C2CD3: variants seen among roughly 807,000 people sequenced by gnomAD.
The protein encoded by C2CD3 is C2 domain containing 3 centriole elongation regulator.
Under a neutral mutation model 234.0 loss-of-function variants are expected in C2CD3, and 148 were observed. The ratio of observed to expected loss-of-function variants is 0.63; its 90% CI spans 0.55 to 0.72. The LOEUF (loss-of-function observed/expected upper bound fraction) is 0.72, where lower values mean the gene tolerates loss of function less well. C2CD3 is among the 30% of genes least tolerant of loss of function. The pLI is 0.00. For missense variants in C2CD3, 2,577 were observed against 2,811.5 expected (o/e 0.92, Z 1.89); for synonymous variants, 1,000 against 1,035.4 (o/e 0.97, Z 0.66).
At chr11:74,052,653 G>A (rs1483305889) in intron 26 of C2CD3, among the ~76,000 whole-genome samples, 2 of 152,226 alleles carry the variant, frequency 1.3e-5, no homozygotes, top group Non-Finnish European at 2.9e-5. Flanking sequence ...TGTTGATTCA[G>A]AGAAAAGCGA....
At chr11:74,138,636 T>C in intron 5 of C2CD3, 84 bp downstream of exon 5, 1 of 1,086,098 alleles carries the variant, frequency 9.2e-7, no homozygotes, top group African/African-American at 1.6e-5. Context: ...ACAAGAGTCT[T>C]GGTTCTCTTT....
At chr11:74,115,102 T>A (rs942579220) in intron 9 of C2CD3, among the ~76,000 whole-genome samples, 3 of 151,426 alleles carry the variant, frequency 2.0e-5, no homozygotes, top group Non-Finnish European at 1.5e-5. Flanking sequence ...AAAAAAAAAA[T>A]ATAATCTAAA....
chr11:74,139,831 A>C lies in C2CD3; in HGVS notation c.484-3T>G. 6.3e-7 allele frequency: 1 copy of C among 1,576,734 alleles called. No homozygotes were observed. Among genetic ancestry groups the C allele is most frequent in the African/African-American group, 1.3e-5 (1 of 74,246 alleles). ...AGAGGTTCCAGGGCAAGTGAGACCT[A>C]AGAGAGACAGGTAGTATATGAGAAA... is the stretch of plus-strand genomic sequence containing the variant. On this transcript the variant is annotated splice_polypyrimidine_tract_variant and splice_region_variant and intron_variant, in intron 3 of 32. Transcript: ENST00000334126.
chr11:74,149,676 G>T (rs1855466059), intron 3 of C2CD3, among the ~76,000 whole-genome samples: 1 of 151,276 alleles, frequency 6.6e-6, no homozygotes, highest in Non-Finnish European at 1.5e-5. Flanking sequence ...TATGCCTTGT[G>T]TACAGCTGCT....
At chr11:74,052,403 G>A (rs1040636729) in intron 26 of C2CD3, among the ~76,000 whole-genome samples, 1 of 152,164 alleles carries the variant, frequency 6.6e-6, no homozygotes, top group African/African-American at 2.4e-5. Context: ...AAATAAGAAA[G>A]ATAACAGGAA....
At chr11:74,091,160 G>A (rs1955879557) in intron 19 of C2CD3, 2 of 421,070 alleles carry the variant, frequency 4.7e-6, no homozygotes, top group Non-Finnish European at 8.4e-6. Context: ...ATGGTTCAGA[G>A]ATTTAATTCC....
chr11:74,148,368 G>GT (rs1855354766), intron 3 of C2CD3, among the ~76,000 whole-genome samples: 1 of 150,826 alleles, frequency 6.6e-6, no homozygotes, highest in Admixed American at 6.6e-5. Flanking sequence ...TAAAATAATC[G>GT]TATGTTTATG....
intron 14 of C2CD3, 72 bp downstream of exon 14, chr11:74,103,058 GA>G (rs1956372565): frequency 7.1e-7 from 1 of 1,412,588 alleles, no homozygotes; most frequent in African/African-American, 1.4e-5. Context: ...GATTTAAGAC[GA>G]AATAATAATT....
At chr11:74,164,149 G>A (rs1856654355) in intron 2 of C2CD3, 2 of 968,040 alleles carry the variant, frequency 2.1e-6, no homozygotes, top group Middle Eastern at 5.3e-4. Flanking sequence ...GTAGACTTCT[G>A]ACCTTTATAC....
chr11:74,111,750 T>C (rs922224989), intron 11 of C2CD3, among the ~76,000 whole-genome samples: 2 of 152,006 alleles, frequency 1.3e-5, no homozygotes, highest in Non-Finnish European at 2.9e-5. Context: ...CAACACAAAT[T>C]TGTAAACTTT....
intron 22 of C2CD3, among the ~76,000 whole-genome samples, chr11:74,080,050 G>A (rs1955270593): frequency 6.6e-6 from 1 of 152,124 alleles, no homozygotes; most frequent in Non-Finnish European, 1.5e-5. Flanking sequence ...ATAGGCAGTT[G>A]CCTAAGTCTC....
intron 31 of C2CD3, among the ~76,000 whole-genome samples, chr11:74,031,985 T>C (rs1952539186): frequency 6.6e-6 from 1 of 152,236 alleles, no homozygotes; most frequent in Non-Finnish European, 1.5e-5. Flanking sequence ...TCAAGAATCA[T>C]ACTGTGTGGT....
rs775928021 is a variant in C2CD3 at position 74,074,563 on chromosome 11, G to A, written c.4641C>T (p.Leu1547=). 6.2e-7 allele frequency: 1 copy of A among 1,614,102 alleles called. No homozygotes were observed. Among genetic ancestry groups the A allele is most frequent in the South Asian group, 1.1e-5 (1 of 91,054 alleles). Residue 1547 remains leucine, a synonymous_variant, in exon 24 of 33, where the codon CTC becomes CTT. Transcript: ENST00000334126. ...YPLFGRNASN[L]SGAALRVHVV... ...CATGAACTCGCAAGGCAGCTCCTGA[G>A]AGGTTGGAAGCATTTCGTCCAAACA...
chr11:74,152,455 A>T (rs1855728234), intron 3 of C2CD3, among the ~76,000 whole-genome samples: 1 of 152,218 alleles, frequency 6.6e-6, no homozygotes, highest in African/African-American at 2.4e-5. Context: ...CCACTGGTAA[A>T]CTCTACTAGA....
chr11:74,075,677 C>A (rs558236417), intron 23 of C2CD3, among the ~76,000 whole-genome samples: 3 of 152,244 alleles, frequency 2.0e-5, no homozygotes, highest in South Asian at 4.2e-4. Context: ...TAATATGAAA[C>A]CTTTCCTGTT....
At position 74,170,751 on chromosome 11, in the gene C2CD3, C is replaced by G. The variant is rs1419309084; in HGVS notation, c.42G>C (p.Gly14=). The G allele has an allele frequency of 6.2e-7, 1 of 1,614,020 alleles. No homozygotes were observed. Among genetic ancestry groups the G allele is most frequent in the Non-Finnish European group, 8.5e-7 (1 of 1,180,004 alleles). Reference sequence around the variant, plus strand: ...CGCTCAGGTTACCTCTTTTTTTGCGCCCACGGCTGCCCCCAGACCCTTGGC... The same window carrying G: ...CGCTCAGGTTACCTCTTTTTTTGCGGCCACGGCTGCCCCCAGACCCTTGGC... ...RKGQGSGGSR[G]RKKRGLSDIS... is the part of the protein sequence containing the mutation. Residue 14 remains glycine (G), a synonymous_variant, in exon 1 of 33, where the codon GGG becomes GGC. Coordinates refer to ENST00000334126, the MANE Select transcript of C2CD3 (RefSeq NM_001286577.2).
intron 9 of C2CD3, 57 bp from the exon 10 acceptor site, chr11:74,114,650 A>C: frequency 8.7e-7 from 1 of 1,148,854 alleles, no homozygotes; most frequent in Non-Finnish European, 1.3e-6. Context: ...ACATGAAACA[A>C]TCTAGTTTGC....
chr11:74,136,788 C>T (rs375245982), intron 5 of C2CD3, among the ~76,000 whole-genome samples: 3 of 151,666 alleles, frequency 2.0e-5, no homozygotes, highest in African/African-American at 7.3e-5. Context: ...CATCACAGAC[C>T]GGGACCTGTC....
At chr11:74,154,229 C>T (rs1032362354) in intron 3 of C2CD3, among the ~76,000 whole-genome samples, 12 of 151,682 alleles carry the variant, frequency 7.9e-5, no homozygotes, top group Non-Finnish European at 1.8e-4. Context: ...TGGCTGGGCA[C>T]GGTGGCTCAA....
Sources: allele counts gnomAD v4.1 joint callset (sites outside exome capture counted in the v4.1 genomes callset), GRCh38; gene constraint gnomAD v4.1.1; transcripts MANE v1.5; gene names NCBI Gene and HGNC (gene_info 2026-07-23, HGNC 2026-07-21).